Variants in ANKDD1B observed in about 807,000 individuals in gnomAD.
The protein encoded by ANKDD1B is ankyrin repeat and death domain containing 1B.
A neutral mutation model predicts 59.7 loss-of-function variants in ANKDD1B; 57 were observed. The observed-to-expected ratio is 0.95, with a 90% confidence interval of 0.77 to 1.19. ANKDD1B has a LOEUF of 1.19. ANKDD1B is among the 50% of genes most tolerant of loss of function. The pLI is 0.00. For missense variants in ANKDD1B, 602 were observed against 641.9 expected (o/e 0.94, Z 0.67); for synonymous variants, 216 against 239.5 (o/e 0.90, Z 0.91).
rs34149863 is a variant in ANKDD1B at position 75,653,854 on chromosome 5, CA to C, written c.897+615del. On this transcript the variant is annotated intron_variant, in intron 8 of 13. Coordinates refer to ENST00000601380, the MANE Select transcript of ANKDD1B (RefSeq NM_001276713.2). ...AGGAGGGATGTGGTTTAAATCATGT[CA>C]GATAGTTTTTGGAGCATGGTGTTGG... Among the ~76,000 whole-genome samples the C allele has an allele frequency of 4.1e-3, 627 of 152,272 alleles. 4 individuals are homozygous for C. The highest frequency in any genetic ancestry group is 5.0e-3 in the Non-Finnish European group (343 of 68,024).
At chr5:75,647,288 A>C (rs1490448080) in intron 7 of ANKDD1B, among the ~76,000 whole-genome samples, 1 of 117,506 alleles carries the variant, frequency 8.5e-6, no homozygotes, top group South Asian at 2.4e-4. Flanking sequence ...GCACAGCAAA[A>C]GAAACTACCA....
intron 12 of ANKDD1B, among the ~76,000 whole-genome samples, chr5:75,668,111 G>A (rs1055349837): frequency 6.6e-6 from 1 of 152,180 alleles, no homozygotes; most frequent in African/African-American, 2.4e-5. Flanking sequence ...GACCTAAAGA[G>A]ATGACTTGAA....
chr5:75,665,523 T>G (rs964560430), intron 11 of ANKDD1B, among the ~76,000 whole-genome samples: 2 of 152,232 alleles, frequency 1.3e-5, no homozygotes, highest in Admixed American at 6.5e-5. Context: ...CTTACTTCTT[T>G]TAGAATTCCT....
rs1052927170 is a variant in ANKDD1B at position 75,671,257 on chromosome 5, C to T, written c.*217C>T. ...TGAGGGCAAGTTGTATGTGATTTTC[C>T]CATTTCTATCAATCATTTGATGTAA... On this transcript the variant is annotated 3_prime_UTR_variant, in exon 14 of 14. Transcript: ENST00000601380. The T allele has an allele frequency of 5.9e-6, 2 of 340,342 alleles. No homozygotes were observed. Among genetic ancestry groups the T allele is most frequent in the African/African-American group, 4.2e-5 (2 of 47,194 alleles). The allele number at this position is 340,342 out of a possible 1,614,324, so 21.1% of individuals were successfully genotyped here. A position where few individuals can be genotyped will look rare whatever the true frequency, so the allele number is the denominator to read the frequency against.
chr5:75,649,502 T>G (rs1208506099), intron 7 of ANKDD1B, among the ~76,000 whole-genome samples: 1 of 152,204 alleles, frequency 6.6e-6, no homozygotes. Context: ...TTTTAACGGT[T>G]TCTTTGGCAC....
chr5:75,654,165 G>C (rs1029790161), intron 8 of ANKDD1B, among the ~76,000 whole-genome samples: 1 of 152,154 alleles, frequency 6.6e-6, no homozygotes, highest in African/African-American at 2.4e-5. Context: ...GACTTACTCA[G>C]CTGTGGTCTT....
At chr5:75,653,417 C>A (rs901167052) in intron 8 of ANKDD1B, among the ~76,000 whole-genome samples, 177 bp downstream of exon 8, 1 of 152,124 alleles carries the variant, frequency 6.6e-6, no homozygotes, top group African/African-American at 2.4e-5. Flanking sequence ...GAAATAAAAT[C>A]CGAGGGATGA....
chr5:75,650,304 C>T (rs1306064183), intron 7 of ANKDD1B, among the ~76,000 whole-genome samples: 2 of 152,068 alleles, frequency 1.3e-5, no homozygotes, highest in Non-Finnish European at 1.5e-5. Flanking sequence ...GGGAGGCAGA[C>T]GAAGATGTCA....
At chr5:75,628,718 G>A (rs1032795548) in intron 5 of ANKDD1B, among the ~76,000 whole-genome samples, 1 of 152,194 alleles carries the variant, frequency 6.6e-6, no homozygotes, top group African/African-American at 2.4e-5. Context: ...ACTAGGCCAG[G>A]GGGAATTTGG....
intron 5 of ANKDD1B, among the ~76,000 whole-genome samples, chr5:75,629,281 C>G (rs1189305032): frequency 6.6e-6 from 1 of 151,450 alleles, no homozygotes; most frequent in East Asian, 1.9e-4. Context: ...TTTTTTTAAC[C>G]TCATGACACA....
At chr5:75,612,312 GCCCCCGCCCC>G (rs1165938491) in intron 1 of ANKDD1B, among the ~76,000 whole-genome samples, 5 of 59,840 alleles carry the variant, frequency 8.4e-5, no homozygotes, top group Non-Finnish European at 1.2e-4. Context: ...ATTTAAGTCT[GCCCCCGCCCC>G]CCCCCGCCCT....
intron 3 of ANKDD1B, among the ~76,000 whole-genome samples, chr5:75,623,533 AAG>A (rs1364689494): frequency 6.6e-6 from 1 of 152,214 alleles, no homozygotes; most frequent in Non-Finnish European, 1.5e-5. Flanking sequence ...TCCAGAAATG[AAG>A]AGTCTTCTTC....
chr5:75,624,943 A>G (rs1281488498), intron 3 of ANKDD1B, among the ~76,000 whole-genome samples: 4 of 152,230 alleles, frequency 2.6e-5, no homozygotes, highest in Non-Finnish European at 5.9e-5. Context: ...GCACCAATTC[A>G]TTATTTTTAA....
At chr5:75,615,826 T>G (rs973826955) in intron 1 of ANKDD1B, among the ~76,000 whole-genome samples, 4 of 152,082 alleles carry the variant, frequency 2.6e-5, no homozygotes, top group Non-Finnish European at 5.9e-5. Flanking sequence ...CATTCTGAGG[T>G]ACTTGGGGTT....
At chr5:75,653,390 C>T (rs1774881682) in intron 8 of ANKDD1B, 150 bp downstream of exon 8, 2 of 605,386 alleles carry the variant, frequency 3.3e-6, no homozygotes, top group Non-Finnish European at 6.0e-6. Flanking sequence ...CTTTTGGAGG[C>T]TGAGTCTTAA....
chr5:75,615,326 G>A (rs139627175), intron 1 of ANKDD1B, among the ~76,000 whole-genome samples: 312 of 152,302 alleles, frequency 2.0e-3, no homozygotes, highest in Non-Finnish European at 3.4e-3. Flanking sequence ...ATCTGGGGAA[G>A]ATTATTAGAG....
chr5:75,650,391 A>G (rs1270883249), intron 7 of ANKDD1B, among the ~76,000 whole-genome samples: 1 of 152,302 alleles, frequency 6.6e-6, no homozygotes, highest in South Asian at 2.1e-4. Context: ...GCCAAAGAAC[A>G]TAGGAGGCTT....
chr5:75,624,831 A>T (rs560269489), intron 3 of ANKDD1B, among the ~76,000 whole-genome samples: 1 of 152,302 alleles, frequency 6.6e-6, no homozygotes, highest in South Asian at 2.1e-4. Context: ...GGGTTTTGTT[A>T]ATCACTCCTT....
chr5:75,633,510 T>C (rs1223501649), intron 5 of ANKDD1B, among the ~76,000 whole-genome samples: 4 of 152,204 alleles, frequency 2.6e-5, no homozygotes, highest in Non-Finnish European at 5.9e-5. Flanking sequence ...CATTACCCTA[T>C]TTTATCAAGT....
Sources: allele counts gnomAD v4.1 joint callset (sites outside exome capture counted in the v4.1 genomes callset), GRCh38; gene constraint gnomAD v4.1.1; transcripts MANE v1.5; gene names NCBI Gene and HGNC (gene_info 2026-07-23, HGNC 2026-07-21).